Variants in GRIP2 observed in about 807,000 individuals in gnomAD.
GRIP2 encodes glutamate receptor-interacting protein 2.
Under a neutral mutation model 108.3 loss-of-function variants are expected in GRIP2, and 58 were observed. That is an observed-to-expected ratio of 0.54 (90% CI 0.43 to 0.67). The LOEUF is 0.67. Among genes scored for constraint, GRIP2 ranks in the 30% least tolerant of loss-of-function variants. The probability of loss-of-function intolerance (pLI) is 0.00; values close to 1 mark genes in which losing one functional copy is unlikely to be tolerated. For missense variants in GRIP2, 1,278 were observed against 1,430.6 expected, an observed-to-expected ratio of 0.89 and a Z score of 1.72; for synonymous variants, 586 against 598.2, an observed-to-expected ratio of 0.98 and a Z score of 0.30.
At chr3:14,514,614 G>A (rs1694198458) in intron 11 of GRIP2, 136 bp from the exon 12 acceptor site, 1 of 821,336 alleles carries the variant, frequency 1.2e-6, no homozygotes, top group African/African-American at 1.7e-5. Flanking sequence ...TCTGGGACCA[G>A]ACAGATCACA....
At chr3:14,553,741 G>C (rs751697326) in intron 1 of GRIP2, among the ~76,000 whole-genome samples, 31 of 152,298 alleles carry the variant, frequency 2.0e-4, no homozygotes, top group Non-Finnish European at 3.7e-4. Flanking sequence ...TTGAAAAAAA[G>C]ATTTTGAAGA....
chr3:14,515,151 T>A (rs1463058045), intron 11 of GRIP2, among the ~76,000 whole-genome samples: 1 of 152,230 alleles, frequency 6.6e-6, no homozygotes, highest in Non-Finnish European at 1.5e-5. Context: ...TTCATCCACA[T>A]TTTGCAGGTG....
intron 10 of GRIP2, among the ~76,000 whole-genome samples, 174 bp from the exon 11 acceptor site, chr3:14,517,387 G>C (rs1694278865): frequency 6.7e-6 from 1 of 150,320 alleles, no homozygotes; most frequent in Non-Finnish European, 1.5e-5. Context: ...GGGTCTCAAA[G>C]ACTGCAGGGT....
the GRIP2 span, among the ~76,000 whole-genome samples, chr3:14,569,583 T>C: frequency 6.6e-6 from 1 of 152,124 alleles, no homozygotes; most frequent in African/African-American, 2.4e-5. Flanking sequence ...CCTGGAGACA[T>C]TGGGTGAGGA....
intron 5 of GRIP2, 188 bp from the exon 6 acceptor site, chr3:14,523,263 T>C (rs1694463000): frequency 1.7e-6 from 1 of 594,152 alleles, no homozygotes; most frequent in Admixed American, 3.2e-5. Context: ...AAGGGGTGGG[T>C]AACATGACCA....
rs1693909881 is a variant in GRIP2, at chr3:14,505,799, G to A, written c.2399-10C>T. On this transcript the variant is annotated splice_polypyrimidine_tract_variant and intron_variant, in intron 19 of 23. Transcript: ENST00000621039. This position sits in a 1 kb window ranked among gnomAD's most constrained non-coding sequence, Gnocchi z 4.2. Reference sequence around the variant, plus strand: ...TGTGGTGTATAGGACCCTGGTGGTGGAGAGAGGGCCTCTGTGTTCCCTGCG... The same window carrying A: ...TGTGGTGTATAGGACCCTGGTGGTGAAGAGAGGGCCTCTGTGTTCCCTGCG... 6.6e-7 allele frequency: 1 copy of A among 1,508,766 alleles called. No individual in the cohort carries two copies. The highest frequency in any genetic ancestry group is 1.8e-4 in the Middle Eastern group (1 of 5,636). The allele number at this position is 1,508,766 out of a possible 1,614,324, so 93.5% of individuals were successfully genotyped here. A position where few individuals can be genotyped will look rare whatever the true frequency, so the allele number is the denominator to read the frequency against.
chr3:14,573,300 G>A, the GRIP2 span: 1 of 1,419,102 alleles, frequency 7.0e-7, no homozygotes, highest in African/African-American at 1.4e-5. Context: ...GATGGCACTG[G>A]CCAGGTTGCC....
chr3:14,563,276 C>CA, the GRIP2 span, among the ~76,000 whole-genome samples: 13 of 145,796 alleles, frequency 8.9e-5, no homozygotes, highest in Admixed American at 4.1e-4. Flanking sequence ...ACAGATGAAA[C>CA]AAAAAAAAAA....
At chr3:14,506,448 A>G (rs889052079) in intron 19 of GRIP2, among the ~76,000 whole-genome samples, 5 of 152,180 alleles carry the variant, frequency 3.3e-5, no homozygotes, top group African/African-American at 4.8e-5. Flanking sequence ...ACTGGATGGA[A>G]TGAACATTGT....
intron 20 of GRIP2, 49 bp from the exon 21 acceptor site, chr3:14,503,720 G>T: frequency 2.7e-6 from 3 of 1,130,386 alleles, no homozygotes; most frequent in East Asian, 2.7e-5. Context: ...GCGGGTGGGC[G>T]GGCTGGGGCC....
Position 14,505,836 on chromosome 3 carries a change from C to A in GRIP2, c.2399-47G>T, listed in dbSNP as rs749638038. ...CTGTGTTCCCTGCGGCCTCACCTTG[C>A]CCTCCTGCCTGCCCCATTTCCAGCT... is the stretch of plus-strand genomic sequence containing the variant. On this transcript the variant is annotated intron_variant, in intron 19 of 23. Transcript: ENST00000621039. This position sits in a 1 kb window ranked among gnomAD's most constrained non-coding sequence, Gnocchi z 4.2. 6.9e-7 allele frequency: 1 copy of A among 1,455,134 alleles called. No individual in the cohort carries two copies. The highest frequency in any genetic ancestry group is 9.1e-7 in the Non-Finnish European group (1 of 1,099,536). 90.1% of individuals were successfully genotyped at this position (1,455,134 alleles called of 1,614,324 possible).
rs1387701646 is a variant in GRIP2, at chr3:14,520,244, G to A, written c.896C>T (p.Ser299Phe). 2.5e-6 allele frequency: 4 copies of A among 1,613,876 alleles called. No individual in the cohort carries two copies. The Admixed American group carries it at 6.7e-5, about 27-fold the overall frequency. The change falls in exon 9 of 24, where the codon TCC (serine) becomes TTC (phenylalanine). Residue 299 changes from serine (S) to phenylalanine (F), a missense_variant. Transcript: ENST00000621039. Reference protein sequence around the residue: ...GALHPGDHILSIDGTSMEHCS... With the variant: ...GALHPGDHILFIDGTSMEHCS... ...GTGTTCCATGCTGGTGCCATCGATG[G>A]ACAGGATGTGGTCTCCAGGGTGCAG...
At chr3:14,527,982 G>T (rs1453263939) in intron 1 of GRIP2, among the ~76,000 whole-genome samples, 1 of 152,160 alleles carries the variant, frequency 6.6e-6, no homozygotes, top group East Asian at 1.9e-4. Context: ...TTTGGAAAAT[G>T]TCTCCTGACC....
the GRIP2 span, among the ~76,000 whole-genome samples, chr3:14,592,508 G>A: frequency 6.6e-6 from 1 of 152,168 alleles, no homozygotes. Flanking sequence ...GAAGAAACCG[G>A]GCTCAGAGAG....
chr3:14,521,748 G>C lies in GRIP2; in HGVS notation c.606C>G (p.Val202=). 1 of 1,609,316 alleles carries C rather than the reference G, an allele frequency of 6.2e-7. No individual in the cohort carries two copies. The highest frequency in any genetic ancestry group is 1.1e-5 in the South Asian group (1 of 90,096). The change falls in exon 7 of 24, where the codon GTC becomes GTG. Residue 202 remains valine, a synonymous_variant. Transcript: ENST00000621039. The surrounding 1 kb of genome is among the most constrained non-coding windows in gnomAD (Gnocchi z 5.1). ...SLKVGDRLLS[V]DGIPLHGASH... Reference sequence around the variant, plus strand: ...TGGCCCCGTGCAGCGGGATTCCATCGACACTGAGCAGCCTGTCGCCCACCT... The same window carrying C: ...TGGCCCCGTGCAGCGGGATTCCATCCACACTGAGCAGCCTGTCGCCCACCT...
upstream of GRIP2, among the ~76,000 whole-genome samples, chr3:14,559,826 A>C (rs140342937): frequency 6.6e-6 from 1 of 152,330 alleles, no homozygotes; most frequent in Non-Finnish European, 1.5e-5. Flanking sequence ...CCCCGTCTGA[A>C]CACTGGGGTC....
chr3:14,559,933 G>A (rs1220553898), upstream of GRIP2, among the ~76,000 whole-genome samples: 2 of 152,128 alleles, frequency 1.3e-5, no homozygotes, highest in East Asian at 3.8e-4. Flanking sequence ...GAGAACTTGA[G>A]GCCAGTTATG....
chr3:14,596,655 T>C, the GRIP2 span, among the ~76,000 whole-genome samples: 1 of 152,042 alleles, frequency 6.6e-6, no homozygotes, highest in Non-Finnish European at 1.5e-5. Flanking sequence ...GCACTTAACA[T>C]AAAACCCAGC....
At chr3:14,528,957 CTG>C (rs1415995906) in intron 1 of GRIP2, among the ~76,000 whole-genome samples, 1 of 152,104 alleles carries the variant, frequency 6.6e-6, no homozygotes, top group Non-Finnish European at 1.5e-5. Context: ...CTAGGTGACT[CTG>C]TGTCGCACTA....
Sources: gnomAD v4.1 joint callset for allele counts (sites outside exome capture counted in the v4.1 genomes callset) on GRCh38, gnomAD v4.1.1 for gene constraint, Gnocchi (gnomAD v3.1) non-coding constraint, MANE v1.5 for transcripts, NCBI Gene and HGNC (gene_info 2026-07-23, HGNC 2026-07-21) for gene names.